ST6GALNAC5: variants seen among roughly 807,000 people sequenced by gnomAD.
ST6GALNAC5 encodes the protein ST6 N-acetylgalactosaminide alpha-2,6-sialyltransferase 5.
Under a neutral mutation model 33.6 loss-of-function variants are expected in ST6GALNAC5, and 27 were observed. That is an observed-to-expected ratio of 0.80 (90% CI 0.59 to 1.11). The LOEUF is 1.11. ST6GALNAC5 is among the 50% of genes least tolerant of loss of function. The pLI, the probability that ST6GALNAC5 is intolerant of heterozygous loss-of-function variation, is 0.00. For missense variants in ST6GALNAC5, 428 were observed against 454.0 expected (o/e 0.94, Z 0.52); for synonymous variants, 194 against 171.2 (o/e 1.13, Z -1.04).
In ST6GALNAC5 at chr1:77,065,886, G is replaced by A. The variant is rs531300657; in HGVS notation, c.*2680G>A. 6.6e-6 allele frequency among the ~76,000 whole-genome samples: 1 copy of A among 152,264 alleles called. No individual in the cohort carries two copies. Among genetic ancestry groups the A allele is most frequent in the Admixed American group, 6.5e-5 (1 of 15,286 alleles). ...CAATGCCACAGCTGGTCGATCCATG[G>A]CTTCTGTTATTTCAACACAAGAACA... is the stretch of plus-strand genomic sequence containing the variant. On this transcript the variant is annotated 3_prime_UTR_variant, in exon 5 of 5. Transcript: ENST00000477717.
At position 77,040,692 on chromosome 1, in the gene ST6GALNAC5, C is replaced by T. The variant is rs570046099; in HGVS notation, c.262-3512C>T. On this transcript the variant is annotated intron_variant, in intron 2 of 4. Transcript: ENST00000477717. ...AAGGGGAAAGAGATGCTACTGGGAC[C>T]TTTCTTCAGAATGTTTTCCCTAGTA... Among the ~76,000 whole-genome samples, 486 of 152,264 alleles carry T rather than the reference C, an allele frequency of 3.2e-3. 3 individuals are homozygous for T. Among genetic ancestry groups the T allele is most frequent in the African/African-American group, 0.011 (464 of 41,540 alleles).
intron 2 of ST6GALNAC5, among the ~76,000 whole-genome samples, chr1:76,899,680 TAA>T (rs973185739): frequency 5.3e-5 from 8 of 152,092 alleles, no homozygotes; most frequent in Non-Finnish European, 1.5e-5. Context: ...GGTCCACAGA[TAA>T]AAGTGTCTCC....
chr1:76,884,050 G>A (rs375679218), intron 2 of ST6GALNAC5, among the ~76,000 whole-genome samples: 1 of 152,174 alleles, frequency 6.6e-6, no homozygotes, highest in Non-Finnish European at 1.5e-5. Context: ...CTTCAGTGTG[G>A]CATGGGTTAA....
At chr1:76,970,585 T>C (rs1001199908) in intron 2 of ST6GALNAC5, among the ~76,000 whole-genome samples, 3 of 152,140 alleles carry the variant, frequency 2.0e-5, no homozygotes, top group African/African-American at 7.2e-5. Context: ...GTGTGATTGG[T>C]GTACCTGAAA....
At chr1:77,012,223 A>G (rs1204620424) in intron 2 of ST6GALNAC5, among the ~76,000 whole-genome samples, 1 of 152,186 alleles carries the variant, frequency 6.6e-6, no homozygotes, top group African/African-American at 2.4e-5. Flanking sequence ...ATAATGTTTA[A>G]GAGTTTTTTA....
chr1:76,879,008 A>T (rs966314977), intron 2 of ST6GALNAC5, among the ~76,000 whole-genome samples: 1 of 152,190 alleles, frequency 6.6e-6, no homozygotes, highest in Non-Finnish European at 1.5e-5. Context: ...TACATTTTGT[A>T]GTTGAGTGAC....
chr1:77,028,472 G>A (rs1306409745), intron 2 of ST6GALNAC5, among the ~76,000 whole-genome samples: 1 of 151,984 alleles, frequency 6.6e-6, no homozygotes, highest in Non-Finnish European at 1.5e-5. Flanking sequence ...CGAATGGAAA[G>A]CCGAAACCCA....
intron 2 of ST6GALNAC5, among the ~76,000 whole-genome samples, chr1:77,024,604 C>T (rs1272495179): frequency 1.3e-5 from 2 of 152,174 alleles, no homozygotes; most frequent in Admixed American, 6.5e-5. Flanking sequence ...GCACTGTGTG[C>T]TCTGGATGGC....
chr1:76,901,165 A>G (rs1044039088), intron 2 of ST6GALNAC5, among the ~76,000 whole-genome samples: 3 of 152,240 alleles, frequency 2.0e-5, no homozygotes, highest in African/African-American at 7.2e-5. Flanking sequence ...ATTTATACAC[A>G]TCAACACAGG....
intron 2 of ST6GALNAC5, among the ~76,000 whole-genome samples, chr1:76,955,267 A>G (rs1052145741): frequency 2.6e-5 from 4 of 152,096 alleles, no homozygotes; most frequent in Admixed American, 2.0e-4. Context: ...TGGGGACCTG[A>G]CCACTGTCAT....
chr1:76,983,031 C>A (rs921364448), intron 2 of ST6GALNAC5, among the ~76,000 whole-genome samples: 1 of 152,018 alleles, frequency 6.6e-6, no homozygotes, highest in Non-Finnish European at 1.5e-5. Context: ...TGGAAAGGAA[C>A]AACCAGTACC....
chr1:77,051,811 T>G (rs545853179), intron 4 of ST6GALNAC5, among the ~76,000 whole-genome samples: 18 of 152,268 alleles, frequency 1.2e-4, no homozygotes, highest in Non-Finnish European at 2.2e-4. Context: ...CTTATGGGCA[T>G]GCAAAGAGCC....
At chr1:76,996,653 A>G (rs1369747870) in intron 2 of ST6GALNAC5, among the ~76,000 whole-genome samples, 2 of 152,218 alleles carry the variant, frequency 1.3e-5, no homozygotes, top group Non-Finnish European at 2.9e-5. Context: ...TGCAGAGCTG[A>G]GGCCAGGAGG....
At chr1:77,014,944 T>C (rs1170826784) in intron 2 of ST6GALNAC5, among the ~76,000 whole-genome samples, 1 of 152,176 alleles carries the variant, frequency 6.6e-6, no homozygotes, top group African/African-American at 2.4e-5. Flanking sequence ...TTAACAAATA[T>C]TTATTGAGAA....
At chr1:77,026,598 T>C (rs1651247360) in intron 2 of ST6GALNAC5, among the ~76,000 whole-genome samples, 1 of 152,218 alleles carries the variant, frequency 6.6e-6, no homozygotes, top group African/African-American at 2.4e-5. Flanking sequence ...TGCAGGGCTC[T>C]GCAAAGTCAG....
chr1:76,939,575 G>A (rs1337005425), intron 2 of ST6GALNAC5, among the ~76,000 whole-genome samples: 1 of 152,084 alleles, frequency 6.6e-6, no homozygotes, highest in African/African-American at 2.4e-5. Flanking sequence ...TCATTTTCTA[G>A]GAGTGGAAAT....
intron 2 of ST6GALNAC5, among the ~76,000 whole-genome samples, chr1:77,025,554 T>A (rs1229633167): frequency 6.6e-6 from 1 of 152,004 alleles, no homozygotes; most frequent in Non-Finnish European, 1.5e-5. Flanking sequence ...TAGATCAATT[T>A]TGATCAGAAA....
intron 2 of ST6GALNAC5, among the ~76,000 whole-genome samples, chr1:76,877,832 G>C (rs551585908): frequency 2.6e-4 from 40 of 152,342 alleles, no homozygotes; most frequent in African/African-American, 9.1e-4. Context: ...GGACAGTAAA[G>C]GTATATTCCT....
Position 76,924,412 on chromosome 1 carries a change from A to T in ST6GALNAC5, c.261+55670A>T, listed in dbSNP as rs1301639368. ...TACTTTTATGTAAGAACACACAAGT[A>T]TCTTCTGAGTGACTGGATGAATACA... On this transcript the variant is annotated intron_variant, in intron 2 of 4. Transcript: ENST00000477717. Among the ~76,000 whole-genome samples the T allele has an allele frequency of 3.9e-5, 6 of 152,284 alleles. No individual in the cohort carries two copies. The East Asian group carries it at 1.2e-3, about 29-fold the overall frequency.
Sources: allele counts gnomAD v4.1 joint callset (sites outside exome capture counted in the v4.1 genomes callset), GRCh38; gene constraint gnomAD v4.1.1; transcripts MANE v1.5; gene names NCBI Gene and HGNC (gene_info 2026-07-23, HGNC 2026-07-21).